NALF1: variants seen among roughly 807,000 people sequenced by gnomAD.
The protein encoded by NALF1 is NALCN channel auxiliary factor 1, also known as family with sequence similarity 155 member A.
A neutral mutation model predicts 48.4 loss-of-function variants in NALF1; 3 were observed. That is an observed-to-expected ratio of 0.06 (90% CI 0.03 to 0.16). The LOEUF (loss-of-function observed/expected upper bound fraction) is 0.16, where lower values mean the gene tolerates loss of function less well. NALF1 is among the 10% of genes least tolerant of loss of function. The pLI is 1.00. For missense variants in NALF1, 526 were observed against 571.5 expected (o/e 0.92, Z 0.81); for synonymous variants, 262 against 245.7 (o/e 1.07, Z -0.62).
chr13:107,450,991 G>A (rs1328138786), intron 1 of NALF1, among the ~76,000 whole-genome samples: 1 of 152,104 alleles, frequency 6.6e-6, no homozygotes, highest in East Asian at 1.9e-4. Context: ...AAATAACACT[G>A]GATTTCACAT....
intron 1 of NALF1, among the ~76,000 whole-genome samples, chr13:107,545,741 G>A (rs1001448072): frequency 1.3e-5 from 2 of 152,074 alleles, no homozygotes; most frequent in Non-Finnish European, 1.5e-5. Context: ...GGCAGTGTGG[G>A]GTGGAAACAG....
chr13:107,350,523 A>G (rs193279311), intron 1 of NALF1, among the ~76,000 whole-genome samples: 1 of 152,346 alleles, frequency 6.6e-6, no homozygotes, highest in Non-Finnish European at 1.5e-5. Context: ...GGGGACAGCT[A>G]CTAACATTAG....
chr13:107,271,206 T>C (rs914576824), intron 1 of NALF1, among the ~76,000 whole-genome samples: 3 of 152,146 alleles, frequency 2.0e-5, no homozygotes, highest in Non-Finnish European at 2.9e-5. Flanking sequence ...GCAGCTGTAG[T>C]TAAAGTTACT....
At chr13:107,460,536 T>C (rs1884900969) in intron 1 of NALF1, among the ~76,000 whole-genome samples, 1 of 152,234 alleles carries the variant, frequency 6.6e-6, no homozygotes, top group Admixed American at 6.5e-5. Flanking sequence ...ATTCAATTTT[T>C]GTAGAAGGTA....
chr13:107,858,068 T>A (rs816999), intron 1 of NALF1, among the ~76,000 whole-genome samples: 122,959 of 152,150 alleles, frequency 0.81, 49,909 homozygotes, highest in Non-Finnish European at 0.84. Flanking sequence ...TCAGAAACCT[T>A]CGTGTTCTTC....
At chr13:107,480,547 C>T (rs1485786700) in intron 1 of NALF1, among the ~76,000 whole-genome samples, 1 of 152,132 alleles carries the variant, frequency 6.6e-6, no homozygotes, top group Non-Finnish European at 1.5e-5. Flanking sequence ...TTGGGCCACA[C>T]ATAAAATATA....
At chr13:107,543,074 A>G (rs575363625) in intron 1 of NALF1, among the ~76,000 whole-genome samples, 2 of 152,174 alleles carry the variant, frequency 1.3e-5, no homozygotes, top group East Asian at 3.9e-4. Context: ...TATTAGTTGA[A>G]ATCACTCTAC....
chr13:107,707,218 G>T (rs1052393366), intron 1 of NALF1, among the ~76,000 whole-genome samples: 2 of 151,948 alleles, frequency 1.3e-5, no homozygotes, highest in Non-Finnish European at 1.5e-5. Context: ...CACCGCGCCC[G>T]GCCAAGGGCA....
intron 1 of NALF1, among the ~76,000 whole-genome samples, chr13:107,289,224 A>G (rs1393560015): frequency 1.3e-5 from 2 of 152,186 alleles, no homozygotes; most frequent in Non-Finnish European, 2.9e-5. Context: ...CCTCAGTTCC[A>G]TCACATGAAC....
intron 1 of NALF1, among the ~76,000 whole-genome samples, chr13:107,302,596 T>C (rs779745122): frequency 7.9e-5 from 12 of 151,974 alleles, no homozygotes; most frequent in Non-Finnish European, 1.8e-4. Context: ...CAGTTTAGCA[T>C]CTAGCAAAGA....
At chr13:107,564,955 C>T (rs1219177080) in intron 1 of NALF1, among the ~76,000 whole-genome samples, 1 of 150,498 alleles carries the variant, frequency 6.6e-6, no homozygotes, top group African/African-American at 2.4e-5. Flanking sequence ...CACGTGCGGC[C>T]ACTCAGCACA....
intron 1 of NALF1, among the ~76,000 whole-genome samples, chr13:107,791,430 G>A (rs1354135065): frequency 3.9e-5 from 6 of 152,036 alleles, no homozygotes; most frequent in South Asian, 2.1e-4. Context: ...GGTGATTATC[G>A]TTTTAGACTT....
At chr13:107,858,987 C>T (rs1018284022) in intron 1 of NALF1, among the ~76,000 whole-genome samples, 1 of 152,116 alleles carries the variant, frequency 6.6e-6, no homozygotes, top group African/African-American at 2.4e-5. Context: ...TAAACAAAGT[C>T]AGTGACAGCT....
At chr13:107,170,925 T>C (rs1258842284) in intron 2 of NALF1, 139 bp from the exon 3 acceptor site, 2 of 730,718 alleles carry the variant, frequency 2.7e-6, no homozygotes, top group Admixed American at 2.7e-5. Context: ...ATCAAGTCAA[T>C]GCAATTGGAT....
chr13:107,271,987 G>A (rs1594099122), intron 1 of NALF1, among the ~76,000 whole-genome samples: 1 of 151,200 alleles, frequency 6.6e-6, no homozygotes, highest in African/African-American at 2.4e-5. Flanking sequence ...CATTCAGGCG[G>A]GTCTCCAACT....
intron 1 of NALF1, among the ~76,000 whole-genome samples, chr13:107,765,487 T>C (rs987738911): frequency 6.6e-6 from 1 of 152,216 alleles, no homozygotes; most frequent in Non-Finnish European, 1.5e-5. Context: ...ATTATCACGA[T>C]ATTATATAGC....
chr13:107,281,667 C>G (rs2138873189), intron 1 of NALF1, among the ~76,000 whole-genome samples: 1 of 152,240 alleles, frequency 6.6e-6, no homozygotes, highest in East Asian at 1.9e-4. Flanking sequence ...CATTTTCACA[C>G]TGCTATAAAG....
At chr13:107,182,927 G>C (rs949633470) in intron 2 of NALF1, among the ~76,000 whole-genome samples, 1 of 152,160 alleles carries the variant, frequency 6.6e-6, no homozygotes, top group African/African-American at 2.4e-5. Context: ...GGGGATGGCA[G>C]GAATATTAGA....
intron 1 of NALF1, among the ~76,000 whole-genome samples, chr13:107,407,609 CAG>C (rs959319853): frequency 6.6e-6 from 1 of 152,068 alleles, no homozygotes; most frequent in Admixed American, 6.6e-5. Flanking sequence ...CAGGCAATAA[CAG>C]ATGCTGGCAA....
Sources: allele counts gnomAD v4.1 joint callset (sites outside exome capture counted in the v4.1 genomes callset), GRCh38; gene constraint gnomAD v4.1.1; transcripts MANE v1.5; gene names NCBI Gene and HGNC (gene_info 2026-07-23, HGNC 2026-07-21).